Variants in RGPD2 observed in about 807,000 individuals in gnomAD.
RGPD2 encodes RANBP2 like and GRIP domain containing 2, also known as RANBP2-like and GRIP domain-containing protein 2.
Under a neutral mutation model 36.0 loss-of-function variants are expected in RGPD2, and 2 were observed. That is an observed-to-expected ratio of 0.06 (90% CI 0.02 to 0.17). The LOEUF (loss-of-function observed/expected upper bound fraction) is 0.17. Ranked by LOEUF, RGPD2 falls within the 10% of genes least tolerant of loss-of-function variation. The probability of loss-of-function intolerance (pLI) is 1.00; values close to 1 mark genes in which losing one functional copy is unlikely to be tolerated. For synonymous variants in RGPD2, 19 were observed against 163.8 expected (o/e 0.12, Z 6.75); for missense variants, 40 against 464.3 (o/e 0.09, Z 8.40).
chr2:87,923,167 A>G, the RGPD2 span, among the ~76,000 whole-genome samples: 1 of 152,036 alleles, frequency 6.6e-6, no homozygotes, highest in South Asian at 2.1e-4. Context: ...CGTGGACTGG[A>G]GGGCAGGAGA....
the RGPD2 span, among the ~76,000 whole-genome samples, chr2:87,922,965 TC>T: frequency 2.6e-5 from 4 of 152,120 alleles, no homozygotes; most frequent in African/African-American, 9.7e-5. Context: ...CTAATGTCTT[TC>T]CCCATCTTTT....
At chr2:87,927,777 G>T in the RGPD2 span, among the ~76,000 whole-genome samples, 1 of 151,066 alleles carries the variant, frequency 6.6e-6, no homozygotes, top group Non-Finnish European at 1.5e-5. Flanking sequence ...CATAGAGCCA[G>T]TTCCTGAGAA....
the RGPD2 span, among the ~76,000 whole-genome samples, chr2:87,979,919 A>C: frequency 6.6e-6 from 1 of 151,802 alleles, no homozygotes; most frequent in Non-Finnish European, 1.5e-5. Context: ...AGTTATAAAA[A>C]TATTCTGTGT....
At position 87,813,872 on chromosome 2, in the gene RGPD2, A is replaced by G. The variant is rs992183368; in HGVS notation, c.403-1666T>C. 2.2e-3 allele frequency among the ~76,000 whole-genome samples: 324 copies of G among 149,404 alleles called. 1 individual carries two copies. The highest frequency in any genetic ancestry group is 7.8e-3 in the African/African-American group (314 of 40,152). On this transcript the variant is annotated intron_variant, in intron 4 of 22. Coordinates refer to ENST00000398146, the MANE Select transcript of RGPD2 (RefSeq NM_001078170.3). ...TGCATGACAATTATAAATCTCATGG[A>G]TTTCAATTCCAAAAAAAAAAAAAAA...
chr2:87,912,943 T>A, the RGPD2 span, among the ~76,000 whole-genome samples: 1 of 150,408 alleles, frequency 6.6e-6, no homozygotes, highest in Non-Finnish European at 1.5e-5. Flanking sequence ...AAATTTCATC[T>A]GCAAGAATAT....
chr2:87,853,820 A>T, the RGPD2 span, among the ~76,000 whole-genome samples: 1 of 152,052 alleles, frequency 6.6e-6, no homozygotes, highest in Non-Finnish European at 1.5e-5. Context: ...TTTTTCAAAT[A>T]TGGGTTTATC....
chr2:87,892,467 T>C, the RGPD2 span, among the ~76,000 whole-genome samples: 1 of 150,696 alleles, frequency 6.6e-6, no homozygotes, highest in South Asian at 2.1e-4. Context: ...AGCAAAATAG[T>C]GTTTTTGATA....
chr2:87,960,185 G>C, the RGPD2 span, among the ~76,000 whole-genome samples: 18 of 151,990 alleles, frequency 1.2e-4, no homozygotes, highest in African/African-American at 4.3e-4. Flanking sequence ...CCATTCAATA[G>C]AATCAGATGA....
At chr2:87,881,311 C>T in the RGPD2 span, among the ~76,000 whole-genome samples, 1 of 152,242 alleles carries the variant, frequency 6.6e-6, no homozygotes, top group Admixed American at 6.5e-5. Flanking sequence ...CTCTACTAAG[C>T]AGTACCTCAG....
At chr2:87,822,007 G>A (rs1436240480) in intron 1 of RGPD2, among the ~76,000 whole-genome samples, 4 of 150,328 alleles carry the variant, frequency 2.7e-5, no homozygotes, top group Non-Finnish European at 4.4e-5. Flanking sequence ...TCGCTCTGTC[G>A]CCCATCTTGC....
chr2:87,809,240 G>T (rs1358613186), intron 6 of RGPD2, among the ~76,000 whole-genome samples: 2 of 149,768 alleles, frequency 1.3e-5, no homozygotes, highest in Middle Eastern at 7.0e-3. Context: ...TGGAGACAGA[G>T]CTTGCAGTGA....
chr2:87,985,727 A>G, the RGPD2 span: 2 of 1,588,946 alleles, frequency 1.3e-6, no homozygotes, highest in South Asian at 2.2e-5. Context: ...ATTTACTTAC[A>G]TTTCTAGTCC....
At chr2:87,951,530 T>C in the RGPD2 span, among the ~76,000 whole-genome samples, 2 of 152,090 alleles carry the variant, frequency 1.3e-5, no homozygotes, top group African/African-American at 4.8e-5. Flanking sequence ...ATGTAGTTAG[T>C]TCCTTGAGGA....
chr2:87,825,445 G>GTC (rs1686696712), intron 1 of RGPD2, among the ~76,000 whole-genome samples: 1 of 98,310 alleles, frequency 1.0e-5, no homozygotes, highest in Non-Finnish European at 2.2e-5. Flanking sequence ...GCCGCCGCCC[G>GTC]GCCAGGCCGA....
the RGPD2 span, among the ~76,000 whole-genome samples, chr2:87,903,457 C>T: frequency 6.6e-6 from 1 of 152,254 alleles, no homozygotes; most frequent in African/African-American, 2.4e-5. Flanking sequence ...TATACCAGCT[C>T]ATCTCATGTC....
the RGPD2 span, chr2:87,985,660 T>C: frequency 8.2e-6 from 11 of 1,349,316 alleles, no homozygotes; most frequent in African/African-American, 1.5e-5. Flanking sequence ...CTCAATGTTA[T>C]ATTACCAATT....
intron 1 of RGPD2, among the ~76,000 whole-genome samples, chr2:87,824,669 GA>G (rs1038568476): frequency 8.6e-5 from 12 of 139,314 alleles, no homozygotes; most frequent in African/African-American, 1.5e-4. Context: ...AAATTTGGGG[GA>G]AAAAAAAAGA....
the RGPD2 span, among the ~76,000 whole-genome samples, chr2:87,905,366 A>G: frequency 6.6e-6 from 1 of 152,266 alleles, no homozygotes; most frequent in Non-Finnish European, 1.5e-5. Flanking sequence ...GAAAGCAGGA[A>G]AGAGCATCCT....
At chr2:87,958,810 A>G in the RGPD2 span, among the ~76,000 whole-genome samples, 3 of 151,436 alleles carry the variant, frequency 2.0e-5, no homozygotes, top group Non-Finnish European at 4.4e-5. Flanking sequence ...CATATGAGCT[A>G]TGCTGGCCCT....
Sources: allele counts gnomAD v4.1 joint callset (sites outside exome capture counted in the v4.1 genomes callset), GRCh38; gene constraint gnomAD v4.1.1; transcripts MANE v1.5; gene names NCBI Gene and HGNC (gene_info 2026-07-23, HGNC 2026-07-21).